UNC5D: variants seen among roughly 807,000 people sequenced by gnomAD.
UNC5D encodes netrin receptor UNC5D.
A neutral mutation model predicts 105.4 loss-of-function variants in UNC5D; 39 were observed. That is an observed-to-expected ratio of 0.37 (90% confidence interval 0.29 to 0.48). The LOEUF (loss-of-function observed/expected upper bound fraction) is 0.48. Ranked by LOEUF, UNC5D falls within the 20% of genes least tolerant of loss-of-function variation. The pLI is 0.98. For missense variants in UNC5D, 991 were observed against 1,202.4 expected, an observed-to-expected ratio of 0.82 and a Z score of 2.60; for synonymous variants, 452 against 450.4, an observed-to-expected ratio of 1.00 and a Z score of -0.04.
At chr8:35,483,430 TGA>T (rs1362239833) in intron 1 of UNC5D, among the ~76,000 whole-genome samples, 1 of 152,172 alleles carries the variant, frequency 6.6e-6, no homozygotes, top group Non-Finnish European at 1.5e-5. Flanking sequence ...GAGGTGTGTG[TGA>T]GAGAGATCAG....
At chr8:35,440,040 C>T (rs1423783981) in intron 1 of UNC5D, among the ~76,000 whole-genome samples, 2 of 151,964 alleles carry the variant, frequency 1.3e-5, no homozygotes, top group African/African-American at 4.8e-5. Context: ...CTTTTCCCCC[C>T]ATAACCCACC....
chr8:35,746,933 A>C (rs527371440), intron 11 of UNC5D, among the ~76,000 whole-genome samples: 71 of 152,226 alleles, frequency 4.7e-4, no homozygotes, highest in Non-Finnish European at 4.0e-4. Context: ...TTTTTCCCCA[A>C]ACCTTGAGTA....
chr8:35,461,350 G>A (rs747386725), intron 1 of UNC5D, among the ~76,000 whole-genome samples: 42 of 152,024 alleles, frequency 2.8e-4, no homozygotes, highest in Non-Finnish European at 5.4e-4. Flanking sequence ...GCTTATGTTC[G>A]GAATCTCTTA....
chr8:35,337,771 A>C (rs554161075), intron 1 of UNC5D, among the ~76,000 whole-genome samples: 81 of 151,996 alleles, frequency 5.3e-4, no homozygotes, highest in African/African-American at 1.2e-3. Context: ...AAAAAAAAAA[A>C]CAGATAGCCA....
At chr8:35,276,807 A>G (rs1805806130) in intron 1 of UNC5D, among the ~76,000 whole-genome samples, 1 of 152,194 alleles carries the variant, frequency 6.6e-6, no homozygotes, top group African/African-American at 2.4e-5. Context: ...ACAAAAGCCC[A>G]CAGAGTTTTG....
intron 1 of UNC5D, among the ~76,000 whole-genome samples, chr8:35,284,450 A>G (rs912728055): frequency 3.9e-5 from 6 of 152,204 alleles, no homozygotes; most frequent in East Asian, 1.9e-4. Flanking sequence ...CCTCCTGACA[A>G]TTTCACAGTT....
chr8:35,701,444 G>A (rs1385463618), intron 7 of UNC5D, among the ~76,000 whole-genome samples: 4 of 152,256 alleles, frequency 2.6e-5, no homozygotes, highest in African/African-American at 4.8e-5. Context: ...AGCTGACCAC[G>A]TTTGTTCTCT....
rs1585896372 is a variant in UNC5D at position 35,461,514 on chromosome 8, G to T, written c.104-87778G>T. Among the ~76,000 whole-genome samples, 3 of 152,288 alleles carry T rather than the reference G, an allele frequency of 2.0e-5. No individual in the cohort carries two copies. In the East Asian group the frequency reaches 5.8e-4, roughly 29 times the overall value. On this transcript the variant is annotated intron_variant, in intron 1 of 16. Transcript: ENST00000404895. ...AATCCAATATACAGGATCATTAATG[G>T]ATCCCATAACACATAATAATAGCAA...
At chr8:35,574,786 G>A (rs1237223554) in intron 3 of UNC5D, among the ~76,000 whole-genome samples, 3 of 152,086 alleles carry the variant, frequency 2.0e-5, no homozygotes, top group African/African-American at 7.2e-5. Context: ...ATCCCTGCAA[G>A]TGTTCTTTGT....
At chr8:35,335,077 CTTTG>C (rs563014217) in intron 1 of UNC5D, among the ~76,000 whole-genome samples, 24 of 152,184 alleles carry the variant, frequency 1.6e-4, no homozygotes, top group East Asian at 3.9e-4. Context: ...AATTTTTTCA[CTTTG>C]TTTGAGGTTC....
intron 2 of UNC5D, among the ~76,000 whole-genome samples, chr8:35,555,767 A>C (rs1816494135): frequency 6.6e-6 from 1 of 151,864 alleles, no homozygotes; most frequent in Non-Finnish European, 1.5e-5. Flanking sequence ...TAGAGGTTGC[A>C]GTGAGCTGAG....
chr8:35,616,743 C>T (rs1586260014), intron 4 of UNC5D, among the ~76,000 whole-genome samples: 1 of 152,120 alleles, frequency 6.6e-6, no homozygotes, highest in Non-Finnish European at 1.5e-5. Context: ...AAAATTTGCA[C>T]GTTGTGCTTA....
chr8:35,720,204 C>G (rs567496152), intron 8 of UNC5D, among the ~76,000 whole-genome samples: 2 of 152,176 alleles, frequency 1.3e-5, no homozygotes, highest in African/African-American at 4.8e-5. Context: ...ATTTCCAGCC[C>G]AGGCGTCTTG....
intron 1 of UNC5D, among the ~76,000 whole-genome samples, chr8:35,249,103 AAT>A (rs1259895308): frequency 2.7e-4 from 34 of 126,568 alleles, no homozygotes; most frequent in African/African-American, 7.9e-4. Context: ...TATATAAAAA[AAT>A]ATATATATTA....
chr8:35,389,283 C>A (rs1413621094), intron 1 of UNC5D, among the ~76,000 whole-genome samples: 1 of 152,262 alleles, frequency 6.6e-6, no homozygotes, highest in East Asian at 1.9e-4. Context: ...CCCTCTAAAA[C>A]TATAAGAAAA....
intron 1 of UNC5D, among the ~76,000 whole-genome samples, chr8:35,325,268 ATAAAACATGCTAG>A (rs1391017535): frequency 1.3e-5 from 2 of 152,214 alleles, no homozygotes; most frequent in Admixed American, 1.3e-4. Context: ...TTAGGGATGA[ATAAAACATGCTAG>A]TAATTATTTT....
chr8:35,752,533 G>T (rs1157102914), intron 13 of UNC5D, among the ~76,000 whole-genome samples: 3 of 152,086 alleles, frequency 2.0e-5, no homozygotes, highest in Non-Finnish European at 4.4e-5. Flanking sequence ...ATCTTTGGCT[G>T]CTCACAAAAG....
At chr8:35,385,121 A>G (rs1563365344) in intron 1 of UNC5D, among the ~76,000 whole-genome samples, 1 of 152,192 alleles carries the variant, frequency 6.6e-6, no homozygotes, top group Non-Finnish European at 1.5e-5. Context: ...TGCTAGTGCT[A>G]TGAAATCATA....
rs541581386 is a variant in UNC5D at position 35,788,242 on chromosome 8, G to A, written c.2658-2117G>A. Among the ~76,000 whole-genome samples the A allele has an allele frequency of 5.7e-4, 87 of 152,020 alleles. 2 individuals are homozygous for A. In the South Asian group the frequency reaches 0.013, roughly 22 times the overall value. ...CTGTGGCTCTTATAAATGGCAACGC[G>A]TCCTTAAAAGCTTGTCTGTAGTCTG... On this transcript the variant is annotated intron_variant, in intron 16 of 16. Transcript: ENST00000404895.
Sources: allele counts gnomAD v4.1 joint callset (sites outside exome capture counted in the v4.1 genomes callset), GRCh38; gene constraint gnomAD v4.1.1; transcripts MANE v1.5; gene names NCBI Gene and HGNC (gene_info 2026-07-23, HGNC 2026-07-21).